Variants in CNTN5 observed in about 807,000 individuals in gnomAD.
CNTN5 encodes the protein contactin-5.
CNTN5 carries 77 observed loss-of-function variants against 129.1 expected under a neutral mutation model. The ratio of observed to expected loss-of-function variants is 0.60; its 90% CI spans 0.50 to 0.72. CNTN5 has a LOEUF of 0.72. Ranked by LOEUF, CNTN5 falls within the 30% of genes least tolerant of loss-of-function variation. The pLI is 0.00. For synonymous variants in CNTN5, 509 were observed against 465.6 expected (o/e 1.09, Z -1.20); for missense variants, 1,478 against 1,328.8 (o/e 1.11, Z -1.75).
chr11:100,273,655 G>A (rs1004859892), intron 18 of CNTN5, among the ~76,000 whole-genome samples: 20 of 152,082 alleles, frequency 1.3e-4, no homozygotes, highest in East Asian at 3.9e-4. Flanking sequence ...TCAGGCACCC[G>A]CTACCACCAC....
chr11:99,250,227 T>G (rs1366056106), intron 1 of CNTN5, among the ~76,000 whole-genome samples: 1 of 152,010 alleles, frequency 6.6e-6, no homozygotes, highest in African/African-American at 2.4e-5. Context: ...TCAATTAACT[T>G]ACTTCAGCAC....
At chr11:100,175,331 T>G (rs998278797) in intron 13 of CNTN5, among the ~76,000 whole-genome samples, 1 of 152,104 alleles carries the variant, frequency 6.6e-6, no homozygotes, top group African/African-American at 2.4e-5. Context: ...TCTTTGTAAG[T>G]GTTAAGATAA....
intron 3 of CNTN5, among the ~76,000 whole-genome samples, chr11:99,719,866 A>T (rs1943108280): frequency 6.6e-6 from 1 of 152,146 alleles, no homozygotes; most frequent in Non-Finnish European, 1.5e-5. Context: ...GACCCTACAG[A>T]AATAAAAGCA....
rs377417766 is a variant in CNTN5 at position 99,030,850 on chromosome 11, G to T, written c.-210+9580G>T. Among the ~76,000 whole-genome samples, 9 of 146,626 alleles carry T rather than the reference G, an allele frequency of 6.1e-5. No homozygotes were observed. In the East Asian group the frequency reaches 1.2e-3, roughly 20 times the overall value. The stretch of plus-strand genomic sequence containing the variant: ...GGCTGGAGTGCAGTGGCGCGATCTC[G>T]GTTCACTGCAACCTCCGCCTCCCGG... On this transcript the variant is annotated intron_variant, in intron 1 of 24. Coordinates refer to ENST00000524871, the MANE Select transcript of CNTN5 (RefSeq NM_014361.4).
chr11:99,913,995 A>G (rs1949726254), intron 6 of CNTN5, among the ~76,000 whole-genome samples: 1 of 152,062 alleles, frequency 6.6e-6, no homozygotes, highest in Admixed American at 6.6e-5. Context: ...TTCCCCTATA[A>G]TCCCAGTACT....
At chr11:99,167,124 C>T (rs1860912261) in intron 1 of CNTN5, among the ~76,000 whole-genome samples, 1 of 151,644 alleles carries the variant, frequency 6.6e-6, no homozygotes, top group African/African-American at 2.4e-5. Context: ...AAGAATGAAC[C>T]ATAATTTTTA....
chr11:99,464,494 T>C (rs1253541585), intron 2 of CNTN5, among the ~76,000 whole-genome samples: 3 of 152,142 alleles, frequency 2.0e-5, no homozygotes, highest in Non-Finnish European at 4.4e-5. Context: ...AGGTGATGAG[T>C]ATAAAAAAAG....
chr11:99,718,292 G>A (rs1396886096), intron 3 of CNTN5, among the ~76,000 whole-genome samples: 1 of 152,054 alleles, frequency 6.6e-6, no homozygotes, highest in African/African-American at 2.4e-5. Context: ...TTGCACAGTG[G>A]CAAGAAAAGC....
At chr11:99,770,537 G>A (rs1248151945) in intron 3 of CNTN5, among the ~76,000 whole-genome samples, 1 of 151,864 alleles carries the variant, frequency 6.6e-6, no homozygotes, top group Admixed American at 6.6e-5. Context: ...TTTCTCAATT[G>A]CTTAACACTC....
In CNTN5 at chr11:100,282,788, C is replaced by T. The variant is rs140441732; in HGVS notation, c.2314+11547C>T. Among the ~76,000 whole-genome samples, 946 of 152,300 alleles carry T rather than the reference C, an allele frequency of 6.2e-3. 3 individuals carry two copies. Among genetic ancestry groups the T allele is most frequent in the South Asian group, 0.013 (62 of 4,832 alleles). ...CTATTGTACTGCAGCTGAGTTGACA[C>T]TCAAACCACAAGGCACAGTCCTTCC... On this transcript the variant is annotated intron_variant, in intron 18 of 24. Transcript: ENST00000524871.
chr11:99,034,812 CT>C (rs960148434), intron 1 of CNTN5, among the ~76,000 whole-genome samples: 211 of 151,144 alleles, frequency 1.4e-3, no homozygotes, highest in African/African-American at 5.0e-3. Flanking sequence ...CTTCTGCTAG[CT>C]TTTGAATGTG....
intron 2 of CNTN5, among the ~76,000 whole-genome samples, chr11:99,448,977 C>T (rs1468723951): frequency 6.6e-6 from 1 of 151,678 alleles, no homozygotes; most frequent in African/African-American, 2.4e-5. Flanking sequence ...GATGGGATTT[C>T]TTTCCATGTT....
chr11:99,670,553 G>A lies in CNTN5; in HGVS notation c.55+114284G>A, dbSNP rs568728055. Among the ~76,000 whole-genome samples, 137 of 152,206 alleles carry A rather than the reference G, an allele frequency of 9.0e-4. 1 individual carries two copies. Among genetic ancestry groups the A allele is most frequent in the Admixed American group, 2.9e-3 (44 of 15,278 alleles). Reference sequence around the variant, plus strand: ...CATAAAATGATTGAGTGGCTGCATGGGAAAAACCACCTCACTAGTATCTAA... The same window carrying A: ...CATAAAATGATTGAGTGGCTGCATGAGAAAAACCACCTCACTAGTATCTAA... On this transcript the variant is annotated intron_variant, in intron 3 of 24. Transcript: ENST00000524871.
chr11:100,119,786 A>C (rs1274809462), intron 13 of CNTN5, among the ~76,000 whole-genome samples: 1 of 151,908 alleles, frequency 6.6e-6, no homozygotes, highest in Non-Finnish European at 1.5e-5. Context: ...TCTCTGAGTC[A>C]GGCTAGATGA....
At position 99,779,355 on chromosome 11, in the gene CNTN5, A is replaced by C. The variant is rs144128314; in HGVS notation, c.56-40189A>C. 6.2e-3 allele frequency among the ~76,000 whole-genome samples: 947 copies of C among 152,112 alleles called. 13 individuals carry two copies. Among genetic ancestry groups the C allele is most frequent in the African/African-American group, 0.022 (905 of 41,544 alleles). Reference sequence around the variant, plus strand: ...TAGAATTTTTAATGTATTTCAAGCAAAGTAGTTATAAAATTTGACTCTCTT... The same window carrying C: ...TAGAATTTTTAATGTATTTCAAGCACAGTAGTTATAAAATTTGACTCTCTT... On this transcript the variant is annotated intron_variant, in intron 3 of 24. Coordinates refer to ENST00000524871, the MANE Select transcript of CNTN5 (RefSeq NM_014361.4).
At chr11:100,316,681 A>G (rs73565624) in intron 21 of CNTN5, among the ~76,000 whole-genome samples, 1,993 of 152,308 alleles carry the variant, frequency 0.013, 50 homozygotes, top group African/African-American at 0.046. Context: ...AATTTTTAAA[A>G]CATTCATATT....
intron 18 of CNTN5, among the ~76,000 whole-genome samples, chr11:100,291,201 G>A (rs1247283000): frequency 2.0e-5 from 3 of 150,518 alleles, no homozygotes; most frequent in African/African-American, 4.9e-5. Context: ...TCAGTGTGGC[G>A]ATTCCTCAGG....
At chr11:99,587,927 T>C (rs1949853107) in intron 3 of CNTN5, among the ~76,000 whole-genome samples, 1 of 152,136 alleles carries the variant, frequency 6.6e-6, no homozygotes, top group African/African-American at 2.4e-5. Context: ...GGAGCTGATC[T>C]AGAGAAGGAA....
chr11:100,229,246 GA>G (rs1949443214), intron 16 of CNTN5, among the ~76,000 whole-genome samples: 1 of 152,116 alleles, frequency 6.6e-6, no homozygotes. Context: ...TATGTTGAAA[GA>G]TTTTGTTCGT....
Sources: gnomAD v4.1 joint callset for allele counts (sites outside exome capture counted in the v4.1 genomes callset) on GRCh38, gnomAD v4.1.1 for gene constraint, MANE v1.5 for transcripts, NCBI Gene and HGNC (gene_info 2026-07-23, HGNC 2026-07-21) for gene names.